Variants in KIAA1217 observed in about 807,000 individuals in gnomAD.
KIAA1217 encodes the protein sickle tail protein homolog.
KIAA1217 carries 88 observed loss-of-function variants against 163.9 expected under a neutral mutation model. The observed-to-expected ratio is 0.54, with a 90% CI of 0.45 to 0.64. The LOEUF (loss-of-function observed/expected upper bound fraction) is 0.64, where lower values mean the gene tolerates loss of function less well. KIAA1217 is among the 30% of genes least tolerant of loss of function. The pLI, the probability that KIAA1217 is intolerant of heterozygous loss-of-function variation, is 0.00. For synonymous variants in KIAA1217, 903 were observed against 923.1 expected, an observed-to-expected ratio of 0.98 and a Z score of 0.39; for missense variants, 2,372 against 2,475.0, an observed-to-expected ratio of 0.96 and a Z score of 0.88.
chr10:23,876,867 A>G (rs1047517183), intron 1 of KIAA1217, among the ~76,000 whole-genome samples: 4 of 151,980 alleles, frequency 2.6e-5, no homozygotes, highest in African/African-American at 9.7e-5. Context: ...TTTGATGACA[A>G]CAATAAAGGG....
intron 1 of KIAA1217, among the ~76,000 whole-genome samples, chr10:23,942,505 G>A (rs1423543472): frequency 1.3e-5 from 2 of 152,146 alleles, no homozygotes; most frequent in Non-Finnish European, 2.9e-5. Flanking sequence ...ATGAAAAGTA[G>A]AGTTAACAAA....
rs142382354 is a variant in KIAA1217, at chr10:24,312,053, G to A, written c.355-68816G>A. Among the ~76,000 whole-genome samples the A allele has an allele frequency of 2.9e-4, 44 of 152,218 alleles. No individual in the cohort carries two copies. In the East Asian group the frequency reaches 7.9e-3, roughly 27 times the overall value. ...ATTCTCTGGATACATAAGGTGACCC[G>A]AGGAGAAGCAGGCAATGTCATCACA... On this transcript the variant is annotated intron_variant, in intron 2 of 20. Coordinates refer to ENST00000376454, the MANE Select transcript of KIAA1217 (RefSeq NM_019590.5).
intron 1 of KIAA1217, among the ~76,000 whole-genome samples, chr10:23,823,298 G>T (rs758000833): frequency 5.9e-5 from 9 of 152,208 alleles, no homozygotes; most frequent in Non-Finnish European, 1.2e-4. Context: ...GACAGCTGGG[G>T]ACCACCCTTG....
intron 2 of KIAA1217, among the ~76,000 whole-genome samples, chr10:24,294,025 C>G (rs955185291): frequency 6.6e-6 from 1 of 151,732 alleles, no homozygotes; most frequent in African/African-American, 2.4e-5. Flanking sequence ...AACACCGTCT[C>G]TAATAAAAAT....
intron 2 of KIAA1217, among the ~76,000 whole-genome samples, chr10:24,110,352 T>TA (rs955483217): frequency 4.4e-4 from 67 of 152,226 alleles, no homozygotes; most frequent in African/African-American, 1.5e-3. Flanking sequence ...CCAAAAATAG[T>TA]AAAAAAATGC....
At chr10:23,716,275 C>T (rs1368424760) in intron 1 of KIAA1217, among the ~76,000 whole-genome samples, 2 of 152,098 alleles carry the variant, frequency 1.3e-5, no homozygotes, top group African/African-American at 2.4e-5. Context: ...TAAAACCAAG[C>T]TCTGATTTAC....
chr10:24,394,700 AGT>A (rs2055472352), intron 3 of KIAA1217, among the ~76,000 whole-genome samples: 1 of 152,146 alleles, frequency 6.6e-6, no homozygotes, highest in Non-Finnish European at 1.5e-5. Context: ...CTGTTCCAGC[AGT>A]CTCGCCCAGC....
At chr10:23,704,172 G>GTGTGTT (rs1229370789) in intron 1 of KIAA1217, among the ~76,000 whole-genome samples, 1 of 39,926 alleles carries the variant, frequency 2.5e-5, no homozygotes, top group Non-Finnish European at 4.1e-5. Flanking sequence ...GTGTGTGTGT[G>GTGTGTT]TATATATATA....
intron 2 of KIAA1217, among the ~76,000 whole-genome samples, chr10:24,314,442 G>A (rs2133120094): frequency 6.6e-6 from 1 of 152,304 alleles, no homozygotes; most frequent in East Asian, 1.9e-4. Context: ...TCCTAAATGA[G>A]GGAGGGTATT....
intron 4 of KIAA1217, among the ~76,000 whole-genome samples, chr10:24,435,099 G>A (rs1449617934): frequency 6.6e-6 from 1 of 152,124 alleles, no homozygotes; most frequent in Non-Finnish European, 1.5e-5. Context: ...AATGTAAACT[G>A]ATCTGTATCT....
At chr10:24,262,282 T>C (rs773252953) in intron 2 of KIAA1217, among the ~76,000 whole-genome samples, 6 of 152,116 alleles carry the variant, frequency 3.9e-5, no homozygotes, top group Non-Finnish European at 8.8e-5. Context: ...GTGTTACCAA[T>C]TAAGTAGAGA....
chr10:24,037,505 CA>C (rs1414657459), intron 2 of KIAA1217, among the ~76,000 whole-genome samples: 1 of 151,698 alleles, frequency 6.6e-6, no homozygotes, highest in Non-Finnish European at 1.5e-5. Context: ...AACAAAAAAG[CA>C]AAAAAATGGA....
intron 2 of KIAA1217, among the ~76,000 whole-genome samples, chr10:24,242,723 C>T (rs1333369161): frequency 6.6e-6 from 1 of 152,166 alleles, no homozygotes; most frequent in African/African-American, 2.4e-5. Context: ...ATAAGCACTC[C>T]CTTTCCTCCA....
chr10:24,470,771 A>G (rs2063427718), intron 5 of KIAA1217, among the ~76,000 whole-genome samples: 1 of 152,148 alleles, frequency 6.6e-6, no homozygotes, highest in African/African-American at 2.4e-5. Context: ...TTTTGTTGCT[A>G]CATATTAGCA....
intron 2 of KIAA1217, among the ~76,000 whole-genome samples, chr10:24,373,907 A>G (rs565336831): frequency 2.6e-5 from 4 of 152,286 alleles, no homozygotes; most frequent in African/African-American, 7.2e-5. Flanking sequence ...TTCCAATCTG[A>G]TAATGAAATA....
intron 2 of KIAA1217, among the ~76,000 whole-genome samples, chr10:24,357,372 T>A (rs546725091): frequency 6.6e-6 from 1 of 152,260 alleles, no homozygotes; most frequent in South Asian, 2.1e-4. Flanking sequence ...TAAATCATCT[T>A]ATGTCTTATC....
rs1394062455 is a variant in KIAA1217 at position 24,280,617 on chromosome 10, C to A, written c.354+60708C>A. Among the ~76,000 whole-genome samples the A allele has an allele frequency of 4.1e-4, 63 of 152,122 alleles. 1 individual carries two copies. The highest frequency in any genetic ancestry group is 1.5e-3 in the African/African-American group (61 of 41,464). On this transcript the variant is annotated intron_variant, in intron 2 of 20. Coordinates refer to ENST00000376454, the MANE Select transcript of KIAA1217 (RefSeq NM_019590.5). ...GCGAGGTCAGGAGATCGAGACCATC[C>A]TGGCTAACATGGTGAAACCCCATCT...
intron 2 of KIAA1217, among the ~76,000 whole-genome samples, chr10:24,067,637 G>T: frequency 6.6e-6 from 1 of 152,214 alleles, no homozygotes; most frequent in Non-Finnish European, 1.5e-5. Flanking sequence ...ATCTCAAGCT[G>T]CATGCTGGGA....
At chr10:23,992,008 A>C (rs2131440366) in intron 1 of KIAA1217, among the ~76,000 whole-genome samples, 1 of 152,274 alleles carries the variant, frequency 6.6e-6, no homozygotes, top group East Asian at 1.9e-4. Context: ...CTTGCAATCC[A>C]TTAATATTAT....
Sources: allele counts gnomAD v4.1 joint callset (sites outside exome capture counted in the v4.1 genomes callset), GRCh38; gene constraint gnomAD v4.1.1; transcripts MANE v1.5; gene names NCBI Gene and HGNC (gene_info 2026-07-23, HGNC 2026-07-21).